Variants in SLIT3 observed in about 807,000 individuals in gnomAD.
SLIT3 encodes the protein slit guidance ligand 3.
SLIT3 carries 68 observed loss-of-function variants against 184.0 expected under a neutral mutation model. The observed-to-expected ratio is 0.37, with a 90% CI of 0.30 to 0.45. The LOEUF is 0.45. Ranked by LOEUF, SLIT3 falls within the 20% of genes least tolerant of loss-of-function variation. The probability of loss-of-function intolerance (pLI) is 1.00; values close to 1 mark genes in which losing one functional copy is unlikely to be tolerated. For missense variants in SLIT3, 1,707 were observed against 2,026.0 expected (o/e 0.84, Z 3.02); for synonymous variants, 831 against 828.6 (o/e 1.00, Z -0.05).
intron 3 of SLIT3, among the ~76,000 whole-genome samples, chr5:169,214,505 G>T (rs1037564087): frequency 6.6e-6 from 1 of 152,202 alleles, no homozygotes; most frequent in Non-Finnish European, 1.5e-5. Context: ...AGGGCCCTCT[G>T]GAGAGGCAAA....
At chr5:169,075,937 T>C (rs1426704091) in intron 4 of SLIT3, among the ~76,000 whole-genome samples, 1 of 152,230 alleles carries the variant, frequency 6.6e-6, no homozygotes, top group East Asian at 1.9e-4. Flanking sequence ...CCAGAAGAGT[T>C]GGGGGACAGA....
chr5:169,194,887 T>C (rs1326369893), intron 3 of SLIT3, among the ~76,000 whole-genome samples: 2 of 152,170 alleles, frequency 1.3e-5, no homozygotes, highest in Non-Finnish European at 2.9e-5. Context: ...TTCGGAGCAC[T>C]GGGCCAAGAG....
chr5:168,788,462 A>C (rs1304142398), intron 11 of SLIT3, among the ~76,000 whole-genome samples: 2 of 152,142 alleles, frequency 1.3e-5, no homozygotes, highest in Non-Finnish European at 2.9e-5. Context: ...GGAGAGGCAA[A>C]ATATAGACAG....
At chr5:168,819,418 C>T (rs149245627) in intron 7 of SLIT3, among the ~76,000 whole-genome samples, 169 of 152,338 alleles carry the variant, frequency 1.1e-3, no homozygotes, top group Non-Finnish European at 1.9e-3. Context: ...GGCAGCCTGC[C>T]GTGGCATGCG....
chr5:168,737,197 C>A (rs1763466202), intron 20 of SLIT3, among the ~76,000 whole-genome samples: 1 of 152,124 alleles, frequency 6.6e-6, no homozygotes, highest in Non-Finnish European at 1.5e-5. Context: ...CGCACTCCCC[C>A]TTCTCCTGCC....
chr5:169,201,176 A>G (rs1315156278), intron 3 of SLIT3, among the ~76,000 whole-genome samples: 3 of 152,210 alleles, frequency 2.0e-5, no homozygotes, highest in Non-Finnish European at 4.4e-5. Flanking sequence ...GGCTTACATC[A>G]GTTTTGAAAT....
Position 168,772,882 on chromosome 5 carries a change from T to C in SLIT3, c.1358A>G (p.Gln453Arg). Residue 453 changes from glutamine (Q) to arginine (R), a missense_variant, in exon 14 of 36, where the codon CAG becomes CGG. Around this residue, in one of 3 missense-constraint regions of SLIT3, gnomAD observed 1,307 missense variants for 1,511.6 expected, o/e 0.86. Coordinates refer to ENST00000519560, the MANE Select transcript of SLIT3 (RefSeq NM_003062.4). ...CHLKWLADYL[Q>R]DNPIETSGAR... ...CCCGCTTGTCTCGATGGGGTTGTCCTGGAGGTAGTCGGCCAGCCACTTCAA... is the reference window on the plus strand; with the variant it reads ...CCCGCTTGTCTCGATGGGGTTGTCCCGGAGGTAGTCGGCCAGCCACTTCAA... The C allele has an allele frequency of 6.2e-7, 1 of 1,613,686 alleles. No individual in the cohort carries two copies. The highest frequency in any genetic ancestry group is 2.2e-5 in the East Asian group (1 of 44,876).
intron 16 of SLIT3, among the ~76,000 whole-genome samples, chr5:168,756,092 G>A (rs1353464367): frequency 1.3e-5 from 2 of 152,218 alleles, no homozygotes; most frequent in Admixed American, 6.5e-5. Context: ...GGTGGAGCCC[G>A]TGAACTCACA....
chr5:168,783,393 T>C (rs1756040282), intron 12 of SLIT3, among the ~76,000 whole-genome samples: 1 of 149,710 alleles, frequency 6.7e-6, no homozygotes, highest in Non-Finnish European at 1.5e-5. Flanking sequence ...TGGGCAAGTT[T>C]GATAGGATGG....
intron 4 of SLIT3, among the ~76,000 whole-genome samples, chr5:168,927,905 T>C (rs756066772): frequency 2.0e-5 from 3 of 152,256 alleles, no homozygotes; most frequent in Non-Finnish European, 4.4e-5. Flanking sequence ...CAAATGTCAT[T>C]TCCTTTCTTC....
intron 4 of SLIT3, among the ~76,000 whole-genome samples, chr5:169,103,450 T>C (rs1235637752): frequency 1.3e-5 from 2 of 152,196 alleles, no homozygotes; most frequent in Non-Finnish European, 2.9e-5. Flanking sequence ...TATGCTGTGC[T>C]CCTGGTTGCA....
intron 4 of SLIT3, among the ~76,000 whole-genome samples, chr5:168,980,755 A>C (rs1754919396): frequency 6.6e-6 from 1 of 152,250 alleles, no homozygotes. Context: ...GAAGTTTGGG[A>C]GAAAAGTAAT....
At chr5:168,714,448 T>G (rs922885833) in intron 23 of SLIT3, among the ~76,000 whole-genome samples, 2 of 151,842 alleles carry the variant, frequency 1.3e-5, no homozygotes, top group African/African-American at 2.4e-5. Flanking sequence ...CCGAGTGTGG[T>G]GGTGGGCGCC....
intron 1 of SLIT3, among the ~76,000 whole-genome samples, chr5:169,289,068 G>T (rs1224252360): frequency 3.9e-5 from 6 of 152,166 alleles, no homozygotes; most frequent in Non-Finnish European, 8.8e-5. Flanking sequence ...CCTTGCATCA[G>T]CCCCCTGAGA....
chr5:169,298,244 C>T (rs2338526), intron 1 of SLIT3, among the ~76,000 whole-genome samples: 88,088 of 151,854 alleles, frequency 0.58, 26,141 homozygotes, highest in South Asian at 0.66. Context: ...AGACCAGAGA[C>T]ATCAAAGAAG....
chr5:168,732,724 A>T (rs1048589583), intron 20 of SLIT3, among the ~76,000 whole-genome samples: 2 of 152,104 alleles, frequency 1.3e-5, no homozygotes, highest in Non-Finnish European at 1.5e-5. Context: ...GGGAAATGAC[A>T]CCCTATTCAA....
At chr5:169,105,739 AG>A (rs1760178295) in intron 4 of SLIT3, among the ~76,000 whole-genome samples, 1 of 152,202 alleles carries the variant, frequency 6.6e-6, no homozygotes, top group South Asian at 2.1e-4. Context: ...TAGTTTGCTG[AG>A]GATATGGCTT....
chr5:169,083,913 G>C (rs1042702087), intron 4 of SLIT3, among the ~76,000 whole-genome samples: 5 of 152,146 alleles, frequency 3.3e-5, no homozygotes, highest in Admixed American at 3.3e-4. Context: ...AGCTCTGCTT[G>C]CCTTTCTTAG....
At position 168,662,993 on chromosome 5, in the gene SLIT3, C is replaced by T. The variant is rs887672685; in HGVS notation, c.*3461G>A. ...TTGGCATTTCTTAAAGTCAGGGCTT[C>T]CAAACTTGAGGGAGAAGGCTCAAAA... On this transcript the variant is annotated 3_prime_UTR_variant, in exon 36 of 36. Transcript: ENST00000519560. 1 of 152,242 alleles carries T rather than the reference C, an allele frequency of 6.6e-6. No homozygotes were observed. The highest frequency in any genetic ancestry group is 1.5e-5 in the Non-Finnish European group (1 of 68,074). 9.4% of individuals were successfully genotyped at this position (152,242 alleles called of 1,614,324 possible).
Sources: allele counts gnomAD v4.1 joint callset (sites outside exome capture counted in the v4.1 genomes callset), GRCh38; gene constraint gnomAD v4.1.1; regional missense constraint gnomAD v4.1.1; transcripts MANE v1.5; gene names NCBI Gene and HGNC (gene_info 2026-07-23, HGNC 2026-07-21).